Variants in AGAP1 observed in about 807,000 individuals in gnomAD.
AGAP1 encodes the protein arf-GAP with GTPase, ANK repeat and PH domain-containing protein 1.
Under a neutral mutation model 105.3 loss-of-function variants are expected in AGAP1, and 29 were observed. The observed-to-expected ratio is 0.28, with a 90% confidence interval of 0.21 to 0.38. AGAP1 has a LOEUF of 0.38. AGAP1 is among the 10% of genes least tolerant of loss of function. The pLI is 1.00. For missense variants in AGAP1, 998 were observed against 1,165.1 expected (o/e 0.86, Z 2.09); for synonymous variants, 509 against 485.9 (o/e 1.05, Z -0.63).
intron 13 of AGAP1, among the ~76,000 whole-genome samples, chr2:235,990,396 C>G (rs181391046): frequency 1.3e-5 from 2 of 152,284 alleles, no homozygotes; most frequent in Admixed American, 1.3e-4. Flanking sequence ...GTGTCTGCCT[C>G]GTGATGTTTG....
At chr2:235,624,724 A>G (rs1031391840) in intron 1 of AGAP1, among the ~76,000 whole-genome samples, 4 of 152,068 alleles carry the variant, frequency 2.6e-5, no homozygotes, top group African/African-American at 9.7e-5. Context: ...GTCCCCTTCA[A>G]ATCTCTTGTG....
chr2:235,667,612 A>AT lies in AGAP1; in HGVS notation c.164-41566dup, dbSNP rs1387811290. ...CTGTCATTCTGAACCATTCTGACAG[A>AT]TGAATCCCGCCTGGCTGCTACTCTA... On this transcript the variant is annotated intron_variant, in intron 1 of 17. Coordinates refer to ENST00000304032, the MANE Select transcript of AGAP1 (RefSeq NM_001037131.3). 2.6e-5 allele frequency among the ~76,000 whole-genome samples: 4 copies of AT among 152,106 alleles called. 1 individual carries two copies. Among genetic ancestry groups the AT allele is most frequent in the African/African-American group, 9.7e-5 (4 of 41,434 alleles).
At position 235,714,852 on chromosome 2, in the gene AGAP1, C is replaced by A. The variant is rs142283439; in HGVS notation, c.223-2705C>A. On this transcript the variant is annotated intron_variant, in intron 2 of 17. Transcript: ENST00000304032. The surrounding 1 kb of genome is among the most constrained non-coding windows in gnomAD (Gnocchi z 4.1). ...CTCGCTCTGTCACCCAGGCTGGAGT[C>A]CAGTGGTGTATCTCGGCTCACTGCA... 6.6e-6 allele frequency among the ~76,000 whole-genome samples: 1 copy of A among 152,040 alleles called. No individual in the cohort carries two copies. The highest frequency in any genetic ancestry group is 1.5e-5 in the Non-Finnish European group (1 of 68,004).
At chr2:235,990,450 C>T (rs941904668) in intron 13 of AGAP1, among the ~76,000 whole-genome samples, 1 of 152,182 alleles carries the variant, frequency 6.6e-6, no homozygotes, top group Non-Finnish European at 1.5e-5. Flanking sequence ...GGCAACATCC[C>T]GAATCCCAGT....
At chr2:235,576,311 G>A (rs1337083464) in intron 1 of AGAP1, among the ~76,000 whole-genome samples, 3 of 152,172 alleles carry the variant, frequency 2.0e-5, no homozygotes, top group Admixed American at 2.0e-4. Flanking sequence ...AAAAGTGTTT[G>A]GGGGCCAGAA....
At chr2:235,709,298 G>A (rs1950707864) in intron 2 of AGAP1, 61 bp downstream of exon 2, 1 of 1,564,826 alleles carries the variant, frequency 6.4e-7, no homozygotes, top group East Asian at 2.2e-5. Flanking sequence ...GCACACCCAA[G>A]CCTGCATTCC....
At chr2:235,783,098 A>G (rs747623234) in intron 6 of AGAP1, among the ~76,000 whole-genome samples, 3 of 151,694 alleles carry the variant, frequency 2.0e-5, no homozygotes, top group Non-Finnish European at 4.4e-5. Flanking sequence ...ACTTGTTTTC[A>G]AAGTGTTCAC....
At chr2:235,924,008 C>T (rs13397981) in intron 11 of AGAP1, among the ~76,000 whole-genome samples, 6 of 152,018 alleles carry the variant, frequency 3.9e-5, no homozygotes, top group South Asian at 2.1e-4. Flanking sequence ...AATAAGAGCA[C>T]GTAAGCAAGC....
At chr2:235,697,308 C>T (rs1478021368) in intron 1 of AGAP1, among the ~76,000 whole-genome samples, 8 of 152,196 alleles carry the variant, frequency 5.3e-5, no homozygotes, top group Admixed American at 4.6e-4. Context: ...CCAGCATTGC[C>T]GCATCGGGAT....
At position 235,751,078 on chromosome 2, in the gene AGAP1, T is replaced by TCTC. The variant is rs1235643698; in HGVS notation, c.673+593_673+595dup. On this transcript the variant is annotated intron_variant, in intron 6 of 17. Transcript: ENST00000304032. This position sits in a 1 kb window ranked among gnomAD's most constrained non-coding sequence, Gnocchi z 5.3. ...AACAGCCACAAATCAGACAGAAAAT[T>TCTC]CTCCTAGGAGAGCATGAGGTTCTGC... Among the ~76,000 whole-genome samples the TCTC allele has an allele frequency of 6.6e-6, 1 of 152,042 alleles. No homozygotes were observed. The highest frequency in any genetic ancestry group is 1.5e-5 in the Non-Finnish European group (1 of 68,008).
At chr2:235,903,886 G>A (rs535373941) in intron 10 of AGAP1, among the ~76,000 whole-genome samples, 6 of 152,144 alleles carry the variant, frequency 3.9e-5, no homozygotes, top group Admixed American at 3.3e-4. Flanking sequence ...ATACAGCAGC[G>A]AATCAATTAA....
At position 236,119,013 on chromosome 2, in the gene AGAP1, T is replaced by G. The variant is rs973331405; in HGVS notation, c.2115-1179T>G. Among the ~76,000 whole-genome samples the G allele has an allele frequency of 1.3e-5, 2 of 152,118 alleles. No homozygotes were observed. The highest frequency in any genetic ancestry group is 1.9e-4 in the East Asian group (1 of 5,186). On this transcript the variant is annotated intron_variant, in intron 16 of 17. Transcript: ENST00000304032. The surrounding 1 kb of genome is among the most constrained non-coding windows in gnomAD (Gnocchi z 6.6). Reference sequence around the variant, plus strand: ...ACTGTTGGTTTCCTCTTCTATTTGTTAAGCTTCTCATCTCATCCTGTCCTC... The same window carrying G: ...ACTGTTGGTTTCCTCTTCTATTTGTGAAGCTTCTCATCTCATCCTGTCCTC...
Position 235,689,200 on chromosome 2 carries a change from G to A in AGAP1, c.164-19979G>A, listed in dbSNP as rs576367807. Among the ~76,000 whole-genome samples, 1 of 152,296 alleles carries A rather than the reference G, an allele frequency of 6.6e-6. No homozygotes were observed. The highest frequency in any genetic ancestry group is 2.1e-4 in the South Asian group (1 of 4,824). On this transcript the variant is annotated intron_variant, in intron 1 of 17. Coordinates refer to ENST00000304032, the MANE Select transcript of AGAP1 (RefSeq NM_001037131.3). This position sits in a 1 kb window ranked among gnomAD's most constrained non-coding sequence, Gnocchi z 4.2. ...TGTGCTGCCTTCGGTAGATGGCCCC[G>A]GCCCTGCCTATGCCTTGGACACTCT... is the stretch of plus-strand genomic sequence containing the variant.
intron 14 of AGAP1, chr2:236,037,217 A>G (rs1298398690): frequency 1.3e-5 from 2 of 154,600 alleles, no homozygotes; most frequent in Admixed American, 1.3e-4. Flanking sequence ...AAACTGATAA[A>G]GCCTGGTATG....
At position 235,882,950 on chromosome 2, in the gene AGAP1, T is replaced by G. The variant is rs189006504; in HGVS notation, c.1051-395T>G. Among the ~76,000 whole-genome samples, 30 of 152,180 alleles carry G rather than the reference T, an allele frequency of 2.0e-4. No homozygotes were observed. In the East Asian group the frequency reaches 5.2e-3, roughly 26 times the overall value. On this transcript the variant is annotated intron_variant, in intron 9 of 17. Transcript: ENST00000304032. This position sits in a 1 kb window ranked among gnomAD's most constrained non-coding sequence, Gnocchi z 4.6. ...ACCTCAACCCCCCACGTAACTGGGA[T>G]TACAGAAGCACACCACCGTGCCCAG... is the stretch of plus-strand genomic sequence containing the variant.
In AGAP1 at chr2:235,635,932, G is replaced by C. The variant is rs897599384; in HGVS notation, c.164-73247G>C. Among the ~76,000 whole-genome samples, 1 of 151,910 alleles carries C rather than the reference G, an allele frequency of 6.6e-6. No individual in the cohort carries two copies. Among genetic ancestry groups the C allele is most frequent in the African/African-American group, 2.4e-5 (1 of 41,328 alleles). On this transcript the variant is annotated intron_variant, in intron 1 of 17. Coordinates refer to ENST00000304032, the MANE Select transcript of AGAP1 (RefSeq NM_001037131.3). This position sits in a 1 kb window ranked among gnomAD's most constrained non-coding sequence, Gnocchi z 5.3. The stretch of plus-strand genomic sequence containing the variant: ...GTTCAACACCAGCCTGGCCAACATG[G>C]TGAAACCCCGTCTCTACTAAAACTA...
Position 236,000,699 on chromosome 2 carries a change from G to C in AGAP1, c.1645+32076G>C, listed in dbSNP as rs975551016. On this transcript the variant is annotated intron_variant, in intron 13 of 17. Coordinates refer to ENST00000304032, the MANE Select transcript of AGAP1 (RefSeq NM_001037131.3). The surrounding 1 kb of genome is among the most constrained non-coding windows in gnomAD (Gnocchi z 4.3). ...AAAACACAGGTGATTTCAGATAGTGGCACATGCCTGAGGCAATCAGCCCCG... is the reference window on the plus strand; with the variant it reads ...AAAACACAGGTGATTTCAGATAGTGCCACATGCCTGAGGCAATCAGCCCCG... Among the ~76,000 whole-genome samples, 1 of 152,228 alleles carries C rather than the reference G, an allele frequency of 6.6e-6. No homozygotes were observed. Among genetic ancestry groups the C allele is most frequent in the African/African-American group, 2.4e-5 (1 of 41,452 alleles).
chr2:235,717,035 C>T (rs1201624258), intron 2 of AGAP1, among the ~76,000 whole-genome samples: 1 of 152,090 alleles, frequency 6.6e-6, no homozygotes, highest in Non-Finnish European at 1.5e-5. Flanking sequence ...TGGCCGGCCC[C>T]TGCCTTGCTC....
At chr2:235,939,573 C>T (rs947378301) in intron 12 of AGAP1, among the ~76,000 whole-genome samples, 2 of 92,296 alleles carry the variant, frequency 2.2e-5, no homozygotes, top group African/African-American at 1.4e-4. Context: ...TTCCAGGACA[C>T]TCGTCTGTCC....
Sources: gnomAD v4.1 joint callset for allele counts (sites outside exome capture counted in the v4.1 genomes callset) on GRCh38, gnomAD v4.1.1 for gene constraint, Gnocchi (gnomAD v3.1) non-coding constraint, MANE v1.5 for transcripts, NCBI Gene and HGNC (gene_info 2026-07-23, HGNC 2026-07-21) for gene names.